WRN: variants seen among roughly 807,000 people sequenced by gnomAD.
WRN encodes WRN RecQ like helicase.
Under a neutral mutation model 180.7 loss-of-function variants are expected in WRN, and 149 were observed. The ratio of observed to expected loss-of-function variants is 0.82; its 90% confidence interval spans 0.72 to 0.94. The LOEUF (loss-of-function observed/expected upper bound fraction) is 0.94, where lower values mean the gene tolerates loss of function less well. WRN is among the 40% of genes least tolerant of loss of function. The pLI is 0.00. For missense variants in WRN, 1,661 were observed against 1,700.1 expected, an observed-to-expected ratio of 0.98 and a Z score of 0.40; for synonymous variants, 548 against 568.9, an observed-to-expected ratio of 0.96 and a Z score of 0.52.
intron 3 of WRN, among the ~76,000 whole-genome samples, chr8:31,060,494 A>G (rs1383532475): frequency 6.6e-6 from 1 of 151,538 alleles, no homozygotes; most frequent in Non-Finnish European, 1.5e-5. Flanking sequence ...AGCCTTGATC[A>G]CACCATTGCA....
chr8:31,157,591 C>T, intron 33 of WRN, 61 bp downstream of exon 33: 1 of 1,595,672 alleles, frequency 6.3e-7, no homozygotes, highest in Non-Finnish European at 8.6e-7. Flanking sequence ...AAGCAATCCA[C>T]TATATTTTTC....
chr8:31,065,882 T>C (rs1297688032), intron 5 of WRN, among the ~76,000 whole-genome samples: 1 of 150,438 alleles, frequency 6.6e-6, no homozygotes, highest in Non-Finnish European at 1.5e-5. Context: ...TCTTTTCTTT[T>C]TTTTTTTTTT....
intron 18 of WRN, among the ~76,000 whole-genome samples, chr8:31,103,090 T>C (rs1362588708): frequency 6.6e-6 from 1 of 152,190 alleles, no homozygotes; most frequent in Non-Finnish European, 1.5e-5. Context: ...GGATCATCAA[T>C]GTTGCTGTCT....
At chr8:31,092,667 A>G (rs1352870445) in intron 16 of WRN, among the ~76,000 whole-genome samples, 1 of 151,814 alleles carries the variant, frequency 6.6e-6, no homozygotes. Context: ...CTGAGTTTTG[A>G]TAAATGCATA....
intron 12 of WRN, 62 bp downstream of exon 12, chr8:31,087,982 G>C: frequency 6.3e-7 from 1 of 1,579,874 alleles, no homozygotes; most frequent in Non-Finnish European, 8.6e-7. Context: ...CTTTAACTTA[G>C]GATCCAGTTT....
At chr8:31,127,455 G>T (rs1379179144) in intron 23 of WRN, among the ~76,000 whole-genome samples, 1 of 152,092 alleles carries the variant, frequency 6.6e-6, no homozygotes, top group Non-Finnish European at 1.5e-5. Context: ...TACCTGGTGG[G>T]TTAGCTACGT....
intron 24 of WRN, among the ~76,000 whole-genome samples, chr8:31,132,887 T>G (rs966084757): frequency 6.6e-6 from 1 of 152,218 alleles, no homozygotes; most frequent in Non-Finnish European, 1.5e-5. Context: ...ACCATTAAAT[T>G]CTTCAAGGAA....
In WRN at chr8:31,040,621, G is replaced by A. The variant is rs117226808; in HGVS notation, c.-77+6648G>A. ...TGCCGGTACATTGACTCAGATGAGCGTTGAGAATTGGCTATAGGATTTGAC... is the reference window on the plus strand; with the variant it reads ...TGCCGGTACATTGACTCAGATGAGCATTGAGAATTGGCTATAGGATTTGAC... On this transcript the variant is annotated intron_variant, in intron 1 of 34. Transcript: ENST00000298139. Among the ~76,000 whole-genome samples, 731 of 152,296 alleles carry A rather than the reference G, an allele frequency of 4.8e-3. 2 individuals are homozygous for A. The highest frequency in any genetic ancestry group is 0.014 in the Middle Eastern group (4 of 294).
intron 32 of WRN, among the ~76,000 whole-genome samples, chr8:31,155,521 C>T (rs998845993): frequency 7.4e-5 from 11 of 148,630 alleles, no homozygotes; most frequent in Non-Finnish European, 1.6e-4. Flanking sequence ...ACTTGGGAGG[C>T]GGAGACATGG....
chr8:31,058,607 G>T, intron 2 of WRN, 64 bp downstream of exon 2: 7 of 1,522,240 alleles, frequency 4.6e-6, no homozygotes, highest in Non-Finnish European at 6.3e-6. Context: ...TGTGCAAAGA[G>T]TCAGTTGTTA....
intron 23 of WRN, among the ~76,000 whole-genome samples, chr8:31,127,740 G>A (rs1801983656): frequency 6.6e-6 from 1 of 151,932 alleles, no homozygotes; most frequent in Non-Finnish European, 1.5e-5. Context: ...AACCGAGACT[G>A]TGTCTCTACA....
intron 33 of WRN, among the ~76,000 whole-genome samples, chr8:31,163,325 G>A (rs1336661967): frequency 6.6e-6 from 1 of 152,158 alleles, no homozygotes; most frequent in African/African-American, 2.4e-5. Flanking sequence ...AATCATGTAG[G>A]CACAAAGTTA....
Position 31,068,246 on chromosome 8 carries a change from G to GT in WRN, c.655-5dup, listed in dbSNP as rs767379484. The GT allele has an allele frequency of 2.5e-6, 4 of 1,590,492 alleles. No individual in the cohort carries two copies. The highest frequency in any genetic ancestry group is 2.2e-5 in the East Asian group (1 of 44,638). On this transcript the variant is annotated splice_polypyrimidine_tract_variant and intron_variant, in intron 6 of 34. Transcript: ENST00000298139. ...TTTAGCATACTTTTTAAATTTTTCT[G>GT]TTTTTTTATAGGCTGGTTTTATTAT...
intron 6 of WRN, among the ~76,000 whole-genome samples, chr8:31,067,531 A>G (rs1812759193): frequency 6.6e-6 from 1 of 152,194 alleles, no homozygotes; most frequent in Non-Finnish European, 1.5e-5. Context: ...TGATATATAA[A>G]CAATTCAGAA....
intron 33 of WRN, among the ~76,000 whole-genome samples, chr8:31,162,754 A>G (rs1390892623): frequency 6.6e-6 from 1 of 152,092 alleles, no homozygotes; most frequent in African/African-American, 2.4e-5. Flanking sequence ...TGATAATCTA[A>G]TGGATACTTG....
chr8:31,134,411 A>T (rs1802317959), intron 24 of WRN, among the ~76,000 whole-genome samples: 1 of 152,232 alleles, frequency 6.6e-6, no homozygotes, highest in Admixed American at 6.5e-5. Context: ...TAGTATAAAC[A>T]GTTATGTAGC....
chr8:31,085,832 C>G (rs913505137), intron 11 of WRN, among the ~76,000 whole-genome samples: 1 of 152,022 alleles, frequency 6.6e-6, no homozygotes, highest in Non-Finnish European at 1.5e-5. Context: ...AGTGATTTGG[C>G]TCTCCAGTAT....
chr8:31,073,646 G>A (rs1812993270), intron 7 of WRN, among the ~76,000 whole-genome samples: 1 of 152,108 alleles, frequency 6.6e-6, no homozygotes, highest in African/African-American at 2.4e-5. Context: ...AATAGGGAGT[G>A]AATGAAATAA....
At chr8:31,101,253 T>C (rs1014813399) in intron 18 of WRN, among the ~76,000 whole-genome samples, 1 of 152,104 alleles carries the variant, frequency 6.6e-6, no homozygotes, top group Non-Finnish European at 1.5e-5. Flanking sequence ...AGTAACCCTT[T>C]AAAAATATAA....
Sources: gnomAD v4.1 joint callset for allele counts (sites outside exome capture counted in the v4.1 genomes callset) on GRCh38, gnomAD v4.1.1 for gene constraint, MANE v1.5 for transcripts, NCBI Gene and HGNC (gene_info 2026-07-23, HGNC 2026-07-21) for gene names.